CNTN5: variants seen among roughly 807,000 people sequenced by gnomAD.
CNTN5 encodes the protein contactin-5.
CNTN5 carries 77 observed loss-of-function variants against 129.1 expected under a neutral mutation model. The ratio of observed to expected loss-of-function variants is 0.60; its 90% CI spans 0.50 to 0.72. The LOEUF is 0.72. Ranked by LOEUF, CNTN5 falls within the 30% of genes least tolerant of loss-of-function variation. The pLI is 0.00. For synonymous variants in CNTN5, 509 were observed against 465.6 expected (o/e 1.09, Z -1.20); for missense variants, 1,478 against 1,328.8 (o/e 1.11, Z -1.75).
chr11:100,175,250 G>C (rs994285185), intron 13 of CNTN5, among the ~76,000 whole-genome samples: 2 of 151,966 alleles, frequency 1.3e-5, no homozygotes, highest in African/African-American at 4.8e-5. Flanking sequence ...AAAATCCTCA[G>C]GTTTGTCAGC....
At chr11:99,144,014 A>G (rs1859659508) in intron 1 of CNTN5, among the ~76,000 whole-genome samples, 1 of 152,206 alleles carries the variant, frequency 6.6e-6, no homozygotes, top group Non-Finnish European at 1.5e-5. Context: ...AAACCATCAT[A>G]TTTCATGAAA....
rs192202996 is a variant in CNTN5 at position 99,254,325 on chromosome 11, G to C, written c.-209-71021G>C. On this transcript the variant is annotated intron_variant, in intron 1 of 24. Transcript: ENST00000524871. ...TAACATGAATATTCAGTGATGTATT[G>C]CTTTCACGAAATAGGGTGAATTCTG... Among the ~76,000 whole-genome samples, 404 of 151,996 alleles carry C rather than the reference G, an allele frequency of 2.7e-3. 2 individuals are homozygous for C. The highest frequency in any genetic ancestry group is 9.4e-3 in the African/African-American group (390 of 41,520).
chr11:99,098,804 G>T lies in CNTN5; in HGVS notation c.-210+77534G>T, dbSNP rs144456026. On this transcript the variant is annotated intron_variant, in intron 1 of 24. Coordinates refer to ENST00000524871, the MANE Select transcript of CNTN5 (RefSeq NM_014361.4). ...AGAAAGTATTTTTCAGAGACTAAAA[G>T]GTTTCCACAAGAGATACTAATGGTT... 2.6e-3 allele frequency among the ~76,000 whole-genome samples: 390 copies of T among 152,056 alleles called. 5 individuals carry two copies. Among genetic ancestry groups the T allele is most frequent in the African/African-American group, 8.8e-3 (366 of 41,504 alleles).
chr11:99,740,136 G>C (rs975666089), intron 3 of CNTN5, among the ~76,000 whole-genome samples: 1 of 152,052 alleles, frequency 6.6e-6, no homozygotes, highest in African/African-American at 2.4e-5. Flanking sequence ...AAGCAAAAGT[G>C]TTTTTCAAAT....
intron 3 of CNTN5, among the ~76,000 whole-genome samples, chr11:99,714,663 G>A (rs939223761): frequency 2.0e-5 from 3 of 151,654 alleles, no homozygotes; most frequent in Non-Finnish European, 2.9e-5. Context: ...CAGTTACAGC[G>A]AATAGCCTAA....
At chr11:99,749,688 T>A (rs1944168463) in intron 3 of CNTN5, among the ~76,000 whole-genome samples, 1 of 152,222 alleles carries the variant, frequency 6.6e-6, no homozygotes, top group Non-Finnish European at 1.5e-5. Flanking sequence ...TTAATTCCAA[T>A]AGAATTTTCT....
At chr11:99,222,352 G>C (rs1860440195) in intron 1 of CNTN5, among the ~76,000 whole-genome samples, 1 of 151,704 alleles carries the variant, frequency 6.6e-6, no homozygotes, top group South Asian at 2.1e-4. Flanking sequence ...GAAGAATGGG[G>C]GTTGGGGGGA....
chr11:99,133,389 A>AAT (rs1859044352), intron 1 of CNTN5, among the ~76,000 whole-genome samples: 1 of 151,216 alleles, frequency 6.6e-6, no homozygotes, highest in African/African-American at 2.4e-5. Context: ...TGCAAAAAAA[A>AAT]GGAAAAATTG....
At chr11:99,901,381 A>G (rs1453706699) in intron 6 of CNTN5, among the ~76,000 whole-genome samples, 11 of 151,814 alleles carry the variant, frequency 7.2e-5, no homozygotes, top group African/African-American at 2.2e-4. Flanking sequence ...ACCTCTGCCT[A>G]CTGGGTTCAA....
At chr11:100,181,472 C>T (rs1166208750) in intron 13 of CNTN5, among the ~76,000 whole-genome samples, 1 of 151,778 alleles carries the variant, frequency 6.6e-6, no homozygotes, top group Non-Finnish European at 1.5e-5. Flanking sequence ...AATAAAGAAT[C>T]GGTGGGTTAG....
intron 3 of CNTN5, among the ~76,000 whole-genome samples, chr11:99,740,586 C>T (rs1172452555): frequency 1.3e-5 from 2 of 152,134 alleles, no homozygotes; most frequent in East Asian, 1.9e-4. Context: ...AGGAGGCTTC[C>T]TTTCCTCTTG....
chr11:99,045,350 C>A (rs1037876404), intron 1 of CNTN5, among the ~76,000 whole-genome samples: 1 of 152,176 alleles, frequency 6.6e-6, no homozygotes, highest in Non-Finnish European at 1.5e-5. Context: ...ATGCTAAAAA[C>A]ATTTTATGCA....
intron 9 of CNTN5, among the ~76,000 whole-genome samples, chr11:100,035,633 T>C (rs1941950807): frequency 1.4e-5 from 2 of 141,980 alleles, no homozygotes; most frequent in East Asian, 2.1e-4. Flanking sequence ...CCAGCACCTG[T>C]TGTTTCCTGA....
chr11:100,224,951 C>A (rs1049597565), intron 16 of CNTN5, 139 bp downstream of exon 16: 7 of 828,268 alleles, frequency 8.5e-6, no homozygotes, highest in Non-Finnish European at 1.2e-5. Context: ...TTTCGCTTAA[C>A]CTTTTGCCTT....
At chr11:99,483,796 C>T (rs1205220114) in intron 2 of CNTN5, among the ~76,000 whole-genome samples, 1 of 152,050 alleles carries the variant, frequency 6.6e-6, no homozygotes, top group East Asian at 1.9e-4. Context: ...GTACCAAGAA[C>T]ATAAACTGGG....
At chr11:100,285,786 C>A (rs1591475879) in intron 18 of CNTN5, among the ~76,000 whole-genome samples, 1 of 152,344 alleles carries the variant, frequency 6.6e-6, no homozygotes, top group Admixed American at 6.5e-5. Flanking sequence ...CTCCGGTCTA[C>A]AGCTCCCAGC....
chr11:100,110,198 A>AG (rs1200731444), intron 13 of CNTN5, among the ~76,000 whole-genome samples: 3 of 145,474 alleles, frequency 2.1e-5, no homozygotes, highest in African/African-American at 8.3e-5. Flanking sequence ...AAAAAAAAAA[A>AG]AAGAAAAGAA....
intron 1 of CNTN5, among the ~76,000 whole-genome samples, chr11:99,277,123 A>G (rs146941062): frequency 0.012 from 1,782 of 151,808 alleles, 20 homozygotes; most frequent in Non-Finnish European, 0.017. Flanking sequence ...ATAGAAGAAT[A>G]TGCTTTGTGT....
At chr11:99,550,096 A>G (rs1948433939) in intron 2 of CNTN5, among the ~76,000 whole-genome samples, 2 of 152,130 alleles carry the variant, frequency 1.3e-5, no homozygotes, top group African/African-American at 4.8e-5. Context: ...ACGGTGTTTA[A>G]CACACTATAG....
Sources: gnomAD v4.1 joint callset for allele counts (sites outside exome capture counted in the v4.1 genomes callset) on GRCh38, gnomAD v4.1.1 for gene constraint, MANE v1.5 for transcripts, NCBI Gene and HGNC (gene_info 2026-07-23, HGNC 2026-07-21) for gene names.